The following CELF2 variants were observed in gnomAD, a reference collection of about 807,000 sequenced individuals.
The protein encoded by CELF2 is CUG triplet repeat RNA-binding protein 2.
A neutral mutation model predicts 62.6 loss-of-function variants in CELF2; 8 were observed. That is an observed-to-expected ratio of 0.13 (90% CI 0.07 to 0.23). CELF2 has a LOEUF of 0.23. Among genes scored for constraint, CELF2 ranks in the 10% least tolerant of loss-of-function variants. The pLI, the probability that CELF2 is intolerant of heterozygous loss-of-function variation, is 1.00. For missense variants in CELF2, 333 were observed against 671.0 expected (o/e 0.50, Z 5.56); for synonymous variants, 258 against 250.0 (o/e 1.03, Z -0.30).
chr10:10,640,043 A>G, the CELF2 span, among the ~76,000 whole-genome samples: 1 of 152,126 alleles, frequency 6.6e-6, no homozygotes, highest in Non-Finnish European at 1.5e-5. Flanking sequence ...TTTAAATGTC[A>G]TCTCCTCCAA....
At chr10:10,593,793 T>C in the CELF2 span, among the ~76,000 whole-genome samples, 4 of 152,328 alleles carry the variant, frequency 2.6e-5, no homozygotes, top group Non-Finnish European at 4.4e-5. Context: ...GAGCTGGATT[T>C]GAATCTTGGC....
the CELF2 span, among the ~76,000 whole-genome samples, chr10:10,479,533 G>A: frequency 6.6e-6 from 1 of 152,144 alleles, no homozygotes; most frequent in East Asian, 1.9e-4. Context: ...GTGATGGTAA[G>A]GAGATAAGTA....
At chr10:11,103,312 G>C (rs1226364789) in intron 1 of CELF2, among the ~76,000 whole-genome samples, 1 of 148,228 alleles carries the variant, frequency 6.7e-6, no homozygotes, top group African/African-American at 2.5e-5. Context: ...TTGCTCCGAT[G>C]CTTTCTTGTA....
intron 1 of CELF2, among the ~76,000 whole-genome samples, chr10:11,102,440 A>T (rs1472426045): frequency 6.6e-6 from 1 of 152,236 alleles, no homozygotes; most frequent in African/African-American, 2.4e-5. Context: ...CTGAAGATAG[A>T]ACAAATGCAT....
Position 11,223,084 on chromosome 10 carries a change from A to C in CELF2, c.354+5577A>C, listed in dbSNP as rs1288514178. On this transcript the variant is annotated intron_variant, in intron 3 of 12. Coordinates refer to ENST00000633077, the MANE Select transcript of CELF2 (RefSeq NM_001326342.2). The surrounding 1 kb of genome is among the most constrained non-coding windows in gnomAD (Gnocchi z 5.1). ...TATTTGAGGCTTCACCAACGATCTC[A>C]GTTCCTTGGTGTAATTATAATTCTT... Among the ~76,000 whole-genome samples the C allele has an allele frequency of 2.6e-5, 4 of 152,218 alleles. No individual in the cohort carries two copies. The highest frequency in any genetic ancestry group is 9.6e-5 in the African/African-American group (4 of 41,454).
the CELF2 span, among the ~76,000 whole-genome samples, chr10:10,603,296 C>T: frequency 6.6e-6 from 1 of 151,712 alleles, no homozygotes; most frequent in African/African-American, 2.4e-5. Context: ...AAAATAGCTC[C>T]ATGCAGCTTC....
the CELF2 span, among the ~76,000 whole-genome samples, chr10:10,509,175 T>A: frequency 6.6e-6 from 1 of 152,188 alleles, no homozygotes; most frequent in East Asian, 1.9e-4. Flanking sequence ...CTTCAGGTAC[T>A]GGAAGGATCA....
At chr10:10,916,048 G>A (rs2064292098) in intron 1 of CELF2, among the ~76,000 whole-genome samples, 1 of 152,196 alleles carries the variant, frequency 6.6e-6, no homozygotes, top group South Asian at 2.1e-4. Flanking sequence ...AATCACCTCA[G>A]GTGGGTTATG....
the CELF2 span, among the ~76,000 whole-genome samples, chr10:10,712,173 A>T: frequency 0.015 from 2,289 of 149,476 alleles, 47 homozygotes; most frequent in African/African-American, 0.037. Flanking sequence ...AAAAAAAAAA[A>T]CTGGAATCTC....
rs1164351893 is a variant in CELF2 at position 11,005,467 on chromosome 10, A to T, written c.53+27A>T. ...TATGTTGTTGTGTCCTTTGTTTTTA[A>T]TGCACGCTTTTCTAGTTTCTAGAGC... On this transcript the variant is annotated intron_variant, in intron 1 of 12. Transcript: ENST00000416382. The surrounding 1 kb of genome is among the most constrained non-coding windows in gnomAD (Gnocchi z 4.3). 6.2e-7 allele frequency: 1 copy of T among 1,613,838 alleles called. No individual in the cohort carries two copies.
chr10:11,242,290 TGGCTGGGG>T lies in CELF2; in HGVS notation c.355-6862_355-6855del. 6.6e-6 allele frequency among the ~76,000 whole-genome samples: 1 copy of T among 152,230 alleles called. No homozygotes were observed. The highest frequency in any genetic ancestry group is 1.5e-5 in the Non-Finnish European group (1 of 68,042). On this transcript the variant is annotated intron_variant, in intron 3 of 12. Coordinates refer to ENST00000633077, the MANE Select transcript of CELF2 (RefSeq NM_001326342.2). The surrounding 1 kb of genome is among the most constrained non-coding windows in gnomAD (Gnocchi z 4.8). ...AGGTGGTTAACTCATCAATTGGTGA[TGGCTGGGG>T]TTCAACAAGTTCCAACATGAGTTCT... is the stretch of plus-strand genomic sequence containing the variant.
chr10:10,994,586 G>C (rs1332810098), intron 2 of CELF2, among the ~76,000 whole-genome samples: 1 of 152,186 alleles, frequency 6.6e-6, no homozygotes, highest in South Asian at 2.1e-4. Context: ...TGAATCAGCA[G>C]CAGCATTCTA....
At chr10:10,642,248 G>T in the CELF2 span, among the ~76,000 whole-genome samples, 1 of 152,142 alleles carries the variant, frequency 6.6e-6, no homozygotes, top group Non-Finnish European at 1.5e-5. Context: ...CACATTTATT[G>T]CCTGCCCAGT....
chr10:11,307,309 G>A (rs2094297019), intron 9 of CELF2, among the ~76,000 whole-genome samples: 1 of 152,254 alleles, frequency 6.6e-6, no homozygotes, highest in South Asian at 2.1e-4. Context: ...GGACATCATA[G>A]GAAGAGAAAG....
chr10:10,863,745 A>G (rs966705016), intron 1 of CELF2, among the ~76,000 whole-genome samples: 1 of 152,176 alleles, frequency 6.6e-6, no homozygotes, highest in Non-Finnish European at 1.5e-5. Context: ...CTTTATATGC[A>G]AACGTAAGTG....
At chr10:11,238,148 T>G (rs1363637275) in intron 3 of CELF2, among the ~76,000 whole-genome samples, 1 of 152,208 alleles carries the variant, frequency 6.6e-6, no homozygotes, top group Non-Finnish European at 1.5e-5. Context: ...GTTCCACAAG[T>G]CAGAAAGGAA....
Position 11,321,307 on chromosome 10 carries a change from G to C in CELF2, c.1215G>C (p.Gln405His). 1 of 1,613,628 alleles carries C rather than the reference G, an allele frequency of 6.2e-7. No individual in the cohort carries two copies. The highest frequency in any genetic ancestry group is 8.5e-7 in the Non-Finnish European group (1 of 1,180,030). The change falls in exon 11 of 13, where the codon CAG becomes CAC. Residue 405 changes from glutamine (Q) to histidine (H), a missense_variant. Gln to His is a conservative substitution (Grantham distance 24). Around this residue, in one of 3 missense-constraint regions of CELF2, gnomAD observed 253 missense variants for 503.0 expected, o/e 0.50. Transcript: ENST00000633077. The surrounding 1 kb of genome is among the most constrained non-coding windows in gnomAD (Gnocchi z 6.2). ...CCCAGGCCTACTCAGGAATTCAACA[G>C]TACGCAGCCGCCGCGCTGCCCACTC... The part of the protein sequence containing the change: ...ALTQAYSGIQ[Q>H]YAAAALPTLY...
chr10:10,601,464 CAT>C, the CELF2 span, among the ~76,000 whole-genome samples: 8 of 152,156 alleles, frequency 5.3e-5, no homozygotes, highest in African/African-American at 1.9e-4. Context: ...CAGCACAAAA[CAT>C]GGTTAAGTGG....
the CELF2 span, among the ~76,000 whole-genome samples, chr10:10,582,366 T>A: frequency 6.6e-6 from 1 of 152,226 alleles, no homozygotes; most frequent in Non-Finnish European, 1.5e-5. Flanking sequence ...CTCATATTCC[T>A]GTCTACCTGG....
Sources: allele counts gnomAD v4.1 joint callset (sites outside exome capture counted in the v4.1 genomes callset), GRCh38; gene constraint gnomAD v4.1.1; regional missense constraint gnomAD v4.1.1; non-coding constraint Gnocchi (gnomAD v3.1); transcripts MANE v1.5; gene names NCBI Gene and HGNC (gene_info 2026-07-23, HGNC 2026-07-21).